The following HDAC9 variants were observed in gnomAD, a reference collection of about 807,000 sequenced individuals.
HDAC9 encodes the protein MEF-2 interacting transcription repressor (MITR) protein.
Under a neutral mutation model 139.4 loss-of-function variants are expected in HDAC9, and 41 were observed. The ratio of observed to expected loss-of-function variants is 0.29; its 90% confidence interval spans 0.23 to 0.38. The LOEUF (loss-of-function observed/expected upper bound fraction) is 0.38, where lower values mean the gene tolerates loss of function less well. HDAC9 is among the 10% of genes least tolerant of loss of function. The pLI, the probability that HDAC9 is intolerant of heterozygous loss-of-function variation, is 1.00. For synonymous variants in HDAC9, 517 were observed against 476.2 expected, an observed-to-expected ratio of 1.09 and a Z score of -1.12; for missense variants, 1,147 against 1,297.0, an observed-to-expected ratio of 0.88 and a Z score of 1.78.
intron 2 of HDAC9, among the ~76,000 whole-genome samples, chr7:18,212,531 A>G (rs552435818): frequency 7.2e-5 from 11 of 152,302 alleles, no homozygotes; most frequent in Admixed American, 5.9e-4. Flanking sequence ...TACATTTAAT[A>G]TGTTATTTAG....
chr7:18,578,262 A>G (rs1324380011), intron 2 of HDAC9: 3 of 518,482 alleles, frequency 5.8e-6, no homozygotes, highest in African/African-American at 5.8e-5. Flanking sequence ...TCTCTTTTCC[A>G]CACAATGACA....
intron 1 of HDAC9, among the ~76,000 whole-genome samples, chr7:18,367,053 ATTTTCTTT>A: frequency 6.6e-6 from 1 of 152,000 alleles, no homozygotes; most frequent in South Asian, 2.1e-4. Context: ...AGATTTTTTC[ATTTTCTTT>A]CAGAATATAC....
intron 12 of HDAC9, among the ~76,000 whole-genome samples, chr7:18,676,713 A>G (rs1347942443): frequency 1.3e-5 from 2 of 151,872 alleles, no homozygotes; most frequent in East Asian, 1.9e-4. Flanking sequence ...CCTTTATTTT[A>G]TATTTTCTTT....
chr7:18,954,312 AT>A, intron 24 of HDAC9, 82 bp downstream of exon 24: 1 of 997,308 alleles, frequency 1.0e-6, no homozygotes, highest in Non-Finnish European at 1.5e-6. Context: ...ACAAAGAAAC[AT>A]TTATTTAGAG....
intron 22 of HDAC9, among the ~76,000 whole-genome samples, chr7:18,899,036 G>T (rs1456129473): frequency 6.6e-6 from 1 of 152,032 alleles, no homozygotes; most frequent in Admixed American, 6.6e-5. Context: ...GGAAGTTATT[G>T]CATAGGGAAA....
intron 22 of HDAC9, among the ~76,000 whole-genome samples, chr7:18,908,715 A>G (rs1189654146): frequency 6.6e-6 from 1 of 152,006 alleles, no homozygotes; most frequent in African/African-American, 2.4e-5. Flanking sequence ...GCCACAAATG[A>G]CAAAAAAAAA....
At chr7:18,245,175 C>G (rs302145) in intron 2 of HDAC9, among the ~76,000 whole-genome samples, 1 of 152,278 alleles carries the variant, frequency 6.6e-6, no homozygotes, top group East Asian at 1.9e-4. Flanking sequence ...TGGTTTCACT[C>G]TAGGACAGCT....
At position 18,365,929 on chromosome 7, in the gene HDAC9, A is replaced by G. The variant is rs558013232; in HGVS notation, c.-42+75414A>G. 5.0e-4 allele frequency among the ~76,000 whole-genome samples: 74 copies of G among 148,934 alleles called. 1 individual carries two copies. The South Asian group carries it at 0.014, about 29-fold the overall frequency. ...ATGAATTCTTCTGCTGGTTACTTTT[A>G]TCCTTTAGTGTTGTTTTCAGTTGTT... On this transcript the variant is annotated intron_variant, in intron 1 of 3. Transcript: ENST00000413509.
At chr7:18,578,082 C>A (rs745844640) in intron 2 of HDAC9, 109 of 513,948 alleles carry the variant, frequency 2.1e-4, no homozygotes, top group Non-Finnish European at 3.7e-4. Context: ...TCCCAAAGAT[C>A]CCTTTCCCAG....
intron 12 of HDAC9, among the ~76,000 whole-genome samples, chr7:18,715,223 T>C (rs150909614): frequency 2.0e-5 from 3 of 149,524 alleles, no homozygotes; most frequent in African/African-American, 7.4e-5. Flanking sequence ...CAAACACTTA[T>C]CTATTTTAAG....
intron 1 of HDAC9, among the ~76,000 whole-genome samples, chr7:18,392,778 G>C (rs896771285): frequency 6.6e-6 from 1 of 152,014 alleles, no homozygotes; most frequent in African/African-American, 2.4e-5. Context: ...ACTCAGATAT[G>C]ATTTAGACTA....
At chr7:18,426,751 G>A (rs1407588397) in intron 1 of HDAC9, among the ~76,000 whole-genome samples, 2 of 152,126 alleles carry the variant, frequency 1.3e-5, no homozygotes, top group Non-Finnish European at 2.9e-5. Context: ...AAAGGTTTGT[G>A]TTATTCAAGA....
At position 18,547,587 on chromosome 7, in the gene HDAC9, G is replaced by T. The variant is rs558100689; in HGVS notation, c.23-37694G>T. ...AACAATGAAGTTGGCTGCATCGATTGACTTTTCCTTTCATGAAAGATTTAT... is the reference window on the plus strand; with the variant it reads ...AACAATGAAGTTGGCTGCATCGATTTACTTTTCCTTTCATGAAAGATTTAT... On this transcript the variant is annotated intron_variant, in intron 2 of 25. Coordinates refer to ENST00000686413, the MANE Select transcript of HDAC9 (RefSeq NM_178425.4). Among the ~76,000 whole-genome samples the T allele has an allele frequency of 1.3e-3, 193 of 152,286 alleles. 1 individual carries two copies. The highest frequency in any genetic ancestry group is 4.3e-3 in the African/African-American group (180 of 41,562).
At chr7:18,427,001 G>C (rs1438204136) in intron 1 of HDAC9, among the ~76,000 whole-genome samples, 1 of 151,946 alleles carries the variant, frequency 6.6e-6, no homozygotes, top group Non-Finnish European at 1.5e-5. Context: ...GAAGAAAGTA[G>C]CTCTGAATGA....
upstream of HDAC9, among the ~76,000 whole-genome samples, chr7:18,492,386 T>C (rs1204374671): frequency 6.6e-6 from 1 of 151,544 alleles, no homozygotes; most frequent in Non-Finnish European, 1.5e-5. Flanking sequence ...TTTTAATACT[T>C]TTTTTTTGCT....
chr7:18,562,222 A>G (rs1820843413), intron 2 of HDAC9, among the ~76,000 whole-genome samples: 1 of 151,928 alleles, frequency 6.6e-6, no homozygotes, highest in African/African-American at 2.4e-5. Context: ...TATTTTATAC[A>G]CTCTGAGTAT....
chr7:18,120,818 A>G (rs1033932132), intron 1 of HDAC9, among the ~76,000 whole-genome samples: 4 of 152,228 alleles, frequency 2.6e-5, no homozygotes, highest in Admixed American at 2.6e-4. Context: ...GTATCTTTCA[A>G]AAGCAATTTG....
chr7:18,225,764 C>A (rs1363434891), intron 2 of HDAC9, among the ~76,000 whole-genome samples: 1 of 152,046 alleles, frequency 6.6e-6, no homozygotes, highest in Non-Finnish European at 1.5e-5. Flanking sequence ...GATAAAGTTA[C>A]AGTTTCATTT....
chr7:18,527,875 C>T (rs2128228566), intron 2 of HDAC9, among the ~76,000 whole-genome samples: 1 of 152,174 alleles, frequency 6.6e-6, no homozygotes, highest in African/African-American at 2.4e-5. Context: ...GTTTACAGTT[C>T]TGTAAAATGA....
Sources: allele counts gnomAD v4.1 joint callset (sites outside exome capture counted in the v4.1 genomes callset), GRCh38; gene constraint gnomAD v4.1.1; transcripts MANE v1.5; gene names NCBI Gene and HGNC (gene_info 2026-07-23, HGNC 2026-07-21).